Variants in CRADD observed in about 807,000 individuals in gnomAD.
CRADD encodes death domain-containing protein CRADD.
In CRADD, 9 loss-of-function variants were observed where a neutral mutation model predicts 15.5. The observed-to-expected ratio is 0.58, with a 90% CI of 0.35 to 1.01. CRADD has a LOEUF of 1.01. Ranked by LOEUF, CRADD falls within the 50% of genes least tolerant of loss-of-function variation. The pLI is 0.02. For synonymous variants in CRADD, 118 were observed against 107.6 expected, an observed-to-expected ratio of 1.10 and a Z score of -0.60; for missense variants, 227 against 250.3, an observed-to-expected ratio of 0.91 and a Z score of 0.63.
At chr12:93,817,857 C>T (rs986202289) in intron 2 of CRADD, among the ~76,000 whole-genome samples, 1 of 152,182 alleles carries the variant, frequency 6.6e-6, no homozygotes, top group African/African-American at 2.4e-5. Context: ...CTTGGGGACC[C>T]AGAATATGGG....
chr12:93,875,669 ACAAT>A (rs942653130), intron 2 of CRADD, among the ~76,000 whole-genome samples: 32 of 151,610 alleles, frequency 2.1e-4, no homozygotes, highest in African/African-American at 7.5e-4. Context: ...AAACAAACAA[ACAAT>A]CAAAGAGAAC....
intron 2 of CRADD, among the ~76,000 whole-genome samples, chr12:93,797,946 G>T (rs1466443903): frequency 6.6e-6 from 1 of 152,124 alleles, no homozygotes; most frequent in African/African-American, 2.4e-5. Flanking sequence ...AACTGTTTCT[G>T]TTTTTCCATT....
chr12:93,807,628 A>G (rs757518488), intron 2 of CRADD, among the ~76,000 whole-genome samples: 1 of 152,138 alleles, frequency 6.6e-6, no homozygotes, highest in Non-Finnish European at 1.5e-5. Context: ...GAGAAAATAA[A>G]CAAATCTATG....
At chr12:93,738,729 A>G (rs1314809780) in intron 2 of CRADD, 1 of 374,410 alleles carries the variant, frequency 2.7e-6, no homozygotes, top group Non-Finnish European at 4.7e-6. Context: ...GAAAATCACA[A>G]AAGATAACAG....
At chr12:93,860,197 G>C (rs572415477) in intron 2 of CRADD, among the ~76,000 whole-genome samples, 1 of 151,698 alleles carries the variant, frequency 6.6e-6, no homozygotes, top group Admixed American at 6.6e-5. Context: ...CATCTTAACT[G>C]TTTGCTTGTT....
At chr12:93,818,595 GA>G (rs1957735238) in intron 2 of CRADD, among the ~76,000 whole-genome samples, 1 of 152,234 alleles carries the variant, frequency 6.6e-6, no homozygotes, top group Non-Finnish European at 1.5e-5. Flanking sequence ...CCAGTTGGCA[GA>G]GGAGGCATGC....
At chr12:93,780,760 C>A (rs1957198928) in intron 2 of CRADD, among the ~76,000 whole-genome samples, 1 of 147,922 alleles carries the variant, frequency 6.8e-6, no homozygotes, top group Non-Finnish European at 1.5e-5. Context: ...TTTTTTGAGA[C>A]AGAGTCTCTT....
chr12:93,857,271 C>A (rs1243163102), intron 2 of CRADD, among the ~76,000 whole-genome samples: 1 of 151,930 alleles, frequency 6.6e-6, no homozygotes, highest in African/African-American at 2.4e-5. Context: ...AAATATAAAA[C>A]GGATTGGATT....
Position 93,867,403 on chromosome 12 carries a change from A to ATATATATATATTTTT in CRADD, c.299-26646_299-26645insATATATATATTTTTT, listed in dbSNP as rs985334638. Among the ~76,000 whole-genome samples the ATATATATATATTTTT allele has an allele frequency of 8.9e-4, 128 of 143,428 alleles. 5 individuals carry two copies. In the East Asian group the frequency reaches 9.4e-3, roughly 11 times the overall value. The allele number at this position is 143,428 out of a possible 152,430, so 94.1% of individuals were successfully genotyped here. A position where few individuals can be genotyped will look rare whatever the true frequency, so the allele number is the denominator to read the frequency against. Reference sequence around the variant, plus strand: ...TTGTATTTGACATATATATATATATATTTTTTAAACTTGGAAGTCCAAGAT... The same window carrying ATATATATATATTTTT: ...TTGTATTTGACATATATATATATATATATATATATATTTTTTTTTTTAAACTTGGAAGTCCAAGAT... On this transcript the variant is annotated intron_variant, in intron 2 of 2. Coordinates refer to the CRADD transcript ENST00000548483.
intron 2 of CRADD, among the ~76,000 whole-genome samples, chr12:93,680,883 A>G (rs1365227082): frequency 6.6e-6 from 1 of 151,910 alleles, no homozygotes; most frequent in Non-Finnish European, 1.5e-5. Context: ...TAGAGGTATA[A>G]TACCATTTTT....
At chr12:93,778,723 G>GTTTTTTTTTTTTTTTGTTTTT (rs1957167188) in intron 2 of CRADD, among the ~76,000 whole-genome samples, 1 of 130,430 alleles carries the variant, frequency 7.7e-6, no homozygotes. Flanking sequence ...TTTTTGGTTG[G>GTTTTTTTTTTTTTTTGTTTTT]TTTTTTTTTT....
intron 2 of CRADD, among the ~76,000 whole-genome samples, chr12:93,871,966 T>C (rs994134871): frequency 7.2e-5 from 11 of 152,136 alleles, no homozygotes; most frequent in Non-Finnish European, 1.2e-4. Flanking sequence ...GCTCAATTTT[T>C]AGCTTTTGAG....
At position 93,717,140 on chromosome 12, in the gene CRADD, CTT is replaced by C. The variant is rs770207191; in HGVS notation, c.298+38071_298+38072del. Among the ~76,000 whole-genome samples, 22 of 152,290 alleles carry C rather than the reference CTT, an allele frequency of 1.4e-4. 3 individuals are homozygous for C. Among genetic ancestry groups the C allele is most frequent in the Admixed American group, 1.4e-3 (21 of 15,298 alleles). On this transcript the variant is annotated intron_variant, in intron 2 of 2. Transcript: ENST00000332896. ...CTTAATGATATATGATGTTGAACAT[CTT>C]TTCACATACTTACTTGCCATCTGTA...
chr12:93,761,670 T>C (rs756530674), intron 2 of CRADD, among the ~76,000 whole-genome samples: 18 of 152,142 alleles, frequency 1.2e-4, no homozygotes, highest in Admixed American at 2.6e-4. Context: ...CATACCTCTA[T>C]TATAGCACTA....
chr12:93,807,486 C>T (rs1565921436), intron 2 of CRADD, among the ~76,000 whole-genome samples: 2 of 152,122 alleles, frequency 1.3e-5, no homozygotes, highest in African/African-American at 4.8e-5. Context: ...AGGCAGCCAG[C>T]CCTCCAGCTG....
chr12:93,891,085 T>C (rs1488498583), intron 2 of CRADD, among the ~76,000 whole-genome samples: 1 of 152,116 alleles, frequency 6.6e-6, no homozygotes, highest in Non-Finnish European at 1.5e-5. Flanking sequence ...TGAAGTCTCA[T>C]GTCTCTGTAA....
intron 2 of CRADD, among the ~76,000 whole-genome samples, chr12:93,778,523 C>G (rs908961506): frequency 6.6e-6 from 1 of 152,150 alleles, no homozygotes; most frequent in African/African-American, 2.4e-5. Flanking sequence ...AATGTCAAGG[C>G]CTTTGGGAAA....
intron 2 of CRADD, among the ~76,000 whole-genome samples, chr12:93,823,251 C>T (rs1957787662): frequency 6.6e-6 from 1 of 150,658 alleles, no homozygotes; most frequent in African/African-American, 2.4e-5. Flanking sequence ...AAGATTGTGC[C>T]AGTGCATTGC....
chr12:93,726,854 C>T (rs963236024), intron 2 of CRADD, among the ~76,000 whole-genome samples: 8 of 152,106 alleles, frequency 5.3e-5, no homozygotes, highest in East Asian at 1.9e-4. Context: ...TTGTCAAAGA[C>T]ATTGGAAGGT....
Sources: allele counts gnomAD v4.1 joint callset (sites outside exome capture counted in the v4.1 genomes callset), GRCh38; gene constraint gnomAD v4.1.1; transcripts MANE v1.5; gene names NCBI Gene and HGNC (gene_info 2026-07-23, HGNC 2026-07-21).